RAB13: variants seen among roughly 807,000 people sequenced by gnomAD.
The protein encoded by RAB13 is RAB13, member RAS oncogene family, also known as ras-related protein Rab-13.
In RAB13, 15 loss-of-function variants were observed where a neutral mutation model predicts 29.3. The ratio of observed to expected loss-of-function variants is 0.51; its 90% CI spans 0.34 to 0.79. The LOEUF (loss-of-function observed/expected upper bound fraction) is 0.79. RAB13 is among the 30% of genes least tolerant of loss of function. The pLI is 0.01. For missense variants in RAB13, 186 were observed against 255.5 expected, an observed-to-expected ratio of 0.73 and a Z score of 1.85; for synonymous variants, 82 against 93.8, an observed-to-expected ratio of 0.87 and a Z score of 0.73.
chr1:153,986,362 A>T, upstream of RAB13: 1 of 777,270 alleles, frequency 1.3e-6, no homozygotes, highest in East Asian at 2.7e-5. Context: ...CTCTCCGCCC[A>T]GGCTCCGGGA....
At chr1:153,987,774 C>CAAAA (rs60689643), upstream of RAB13, among the ~76,000 whole-genome samples, 9 of 54,296 alleles carry the variant, frequency 1.7e-4, no homozygotes, top group East Asian at 4.5e-4. Context: ...ACTGCTTCGA[C>CAAAA]AAAAAAAAAA....
chr1:153,990,663 G>A, upstream of RAB13: 4 of 1,215,252 alleles, frequency 3.3e-6, no homozygotes, highest in Middle Eastern at 1.9e-4. Flanking sequence ...TCCCCACTGC[G>A]GCGGATCAAA....
upstream of RAB13, among the ~76,000 whole-genome samples, chr1:153,989,116 G>T (rs1352469295): frequency 8.6e-6 from 1 of 116,716 alleles, no homozygotes; most frequent in South Asian, 2.5e-4. Flanking sequence ...TTTTTTAGTC[G>T]AGACGGGGTT....
Position 153,982,069 on chromosome 1 carries a change from C to T in RAB13, c.*30G>A, listed in dbSNP as rs768905424. 5 of 1,598,684 alleles carry T rather than the reference C, an allele frequency of 3.1e-6. No individual in the cohort carries two copies. The highest frequency in any genetic ancestry group is 1.7e-5 in the Admixed American group (1 of 59,968). On this transcript the variant is annotated 3_prime_UTR_variant, in exon 8 of 8. Coordinates refer to ENST00000368575, the MANE Select transcript of RAB13 (RefSeq NM_002870.5). ...CTGCCGTTGTCTCCCTCAGGTTCAG[C>T]TTCCGGGGTGGGGAGGCAAGAAAGG...
intron 1 of RAB13, among the ~76,000 whole-genome samples, chr1:153,985,654 C>T (rs544395003): frequency 1.3e-5 from 2 of 152,050 alleles, no homozygotes; most frequent in African/African-American, 4.8e-5. Context: ...GGCAGGGAAC[C>T]TGGGAAGTAG....
chr1:153,983,914 C>T (rs1649075057), intron 2 of RAB13, among the ~76,000 whole-genome samples: 1 of 152,136 alleles, frequency 6.6e-6, no homozygotes, highest in East Asian at 1.9e-4. Context: ...CCGTGGCTTG[C>T]GTCTATAATC....
rs768136455 is a variant in RAB13, at chr1:153,982,182, G to A, written c.535-6C>T. On this transcript the variant is annotated splice_polypyrimidine_tract_variant and splice_region_variant and intron_variant, in intron 7 of 7. Coordinates refer to ENST00000368575, the MANE Select transcript of RAB13 (RefSeq NM_002870.5). ...GGAGGCTTGTTGCCGTTTCCCTAGA[G>A]GGAGAAGGGCACAGGTGTCATGGTG... 4 of 1,612,938 alleles carry A rather than the reference G, an allele frequency of 2.5e-6. No homozygotes were observed. In the South Asian group the frequency reaches 3.3e-5, roughly 13 times the overall value.
upstream of RAB13, among the ~76,000 whole-genome samples, chr1:153,988,644 G>A (rs1162134045): frequency 1.3e-5 from 2 of 148,270 alleles, 1 homozygote; most frequent in Non-Finnish European, 3.0e-5. Context: ...GTGGAGTTTC[G>A]CTCTTGTTGC....
At chr1:153,984,255 TA>T (rs1649093070) in intron 2 of RAB13, among the ~76,000 whole-genome samples, 1 of 149,512 alleles carries the variant, frequency 6.7e-6, no homozygotes, top group South Asian at 2.1e-4. Context: ...AGGAGATAAC[TA>T]AAAGAACCAG....
chr1:153,983,402 C>T, intron 3 of RAB13, 106 bp from the exon 4 acceptor site: 3 of 1,459,406 alleles, frequency 2.1e-6, no homozygotes, highest in Middle Eastern at 1.7e-4. Flanking sequence ...CATGTTGGGC[C>T]CTCTGCAACC....
rs749553096 is a variant in RAB13, at chr1:153,983,466, A to T, written c.246+55T>A. 1.9e-5 allele frequency: 30 copies of T among 1,547,434 alleles called. No homozygotes were observed. The African/African-American group carries it at 3.8e-4, about 20-fold the overall frequency. On this transcript the variant is annotated intron_variant, in intron 3 of 7. Transcript: ENST00000368575. Reference sequence around the variant, plus strand: ...CCCCAACCCCTGACCCTTTGTATTCATAATATATTCTGTAGCCTCATCCTT... The same window carrying T: ...CCCCAACCCCTGACCCTTTGTATTCTTAATATATTCTGTAGCCTCATCCTT...
rs764578192 is a variant in RAB13 at position 153,984,799 on chromosome 1, G to C, written c.125-18C>G. The stretch of plus-strand genomic sequence containing the variant: ...ATCAATTCCTAGGGGTGGAAGGTAT[G>C]CACTGAAGTTGAGACATGCATGCAC... On this transcript the variant is annotated intron_variant, in intron 1 of 7. Coordinates refer to ENST00000368575, the MANE Select transcript of RAB13 (RefSeq NM_002870.5). 19 of 1,609,224 alleles carry C rather than the reference G, an allele frequency of 1.2e-5. No individual in the cohort carries two copies. Among genetic ancestry groups the C allele is most frequent in the Non-Finnish European group, 2.5e-6 (3 of 1,177,016 alleles).
rs866297319 is a variant in RAB13, at chr1:153,983,194, C to A, written c.324+25G>T. ...CATTCTCCAGGTTCTAACCAGTTTC[C>A]CCATCTCTTTTGGAGGGTCCTCACC... is the stretch of plus-strand genomic sequence containing the variant. On this transcript the variant is annotated intron_variant, in intron 4 of 7. Transcript: ENST00000368575. 3.8e-6 allele frequency: 6 copies of A among 1,592,284 alleles called. No individual in the cohort carries two copies. In the Middle Eastern group the frequency reaches 1.0e-3, roughly 264 times the overall value.
upstream of RAB13, among the ~76,000 whole-genome samples, chr1:153,987,289 G>T (rs1353018895): frequency 6.6e-5 from 10 of 151,028 alleles, no homozygotes; most frequent in South Asian, 2.1e-3. Flanking sequence ...GGCGGATCAC[G>T]AGGTCAGGAG....
upstream of RAB13, among the ~76,000 whole-genome samples, chr1:153,987,562 A>C (rs183738878): frequency 2.4e-4 from 37 of 151,620 alleles, no homozygotes; most frequent in African/African-American, 8.7e-4. Context: ...AAGAGAAACA[A>C]GTTTATCTCT....
chr1:153,986,921 G>A (rs1396148242), upstream of RAB13, among the ~76,000 whole-genome samples: 1 of 152,074 alleles, frequency 6.6e-6, no homozygotes, highest in Non-Finnish European at 1.5e-5. Context: ...GGTGGAACAG[G>A]GTGAAAACGT....
At chr1:153,989,540 C>T (rs1306430699), upstream of RAB13, among the ~76,000 whole-genome samples, 2 of 151,778 alleles carry the variant, frequency 1.3e-5, no homozygotes, top group African/African-American at 4.8e-5. Context: ...TGAGCCACGG[C>T]GCCCGGGCAA....
At chr1:153,987,528 A>AAAAAAAAAAAAAAAG (rs570485139), upstream of RAB13, among the ~76,000 whole-genome samples, 4 of 127,520 alleles carry the variant, frequency 3.1e-5, no homozygotes, top group African/African-American at 5.8e-5. Flanking sequence ...AAAAAAAAAA[A>AAAAAAAAAAAAAAAG]AAAGAAAGAA....
intron 4 of RAB13, 92 bp from the exon 5 acceptor site, chr1:153,982,900 G>A: frequency 8.1e-7 from 1 of 1,235,230 alleles, no homozygotes; most frequent in South Asian, 1.2e-5. Flanking sequence ...GCCAAGGCGG[G>A]TGGATCACCT....
Sources: allele counts gnomAD v4.1 joint callset (sites outside exome capture counted in the v4.1 genomes callset), GRCh38; gene constraint gnomAD v4.1.1; transcripts MANE v1.5; gene names NCBI Gene and HGNC (gene_info 2026-07-23, HGNC 2026-07-21).